RBPJ: variants seen among roughly 807,000 people sequenced by gnomAD.
The protein encoded by RBPJ is recombination signal binding protein for immunoglobulin kappa J region.
A neutral mutation model predicts 67.8 loss-of-function variants in RBPJ; 9 were observed. That is an observed-to-expected ratio of 0.13 (90% CI 0.08 to 0.23). The LOEUF (loss-of-function observed/expected upper bound fraction) is 0.23, where lower values mean the gene tolerates loss of function less well. Ranked by LOEUF, RBPJ falls within the 10% of genes least tolerant of loss-of-function variation. The pLI is 1.00. For synonymous variants in RBPJ, 198 were observed against 203.3 expected, an observed-to-expected ratio of 0.97 and a Z score of 0.22; for missense variants, 305 against 595.6, an observed-to-expected ratio of 0.51 and a Z score of 5.08.
intron 1 of RBPJ, among the ~76,000 whole-genome samples, chr4:26,191,465 T>C (rs1244090764): frequency 6.6e-6 from 1 of 151,870 alleles, no homozygotes; most frequent in Non-Finnish European, 1.5e-5. Flanking sequence ...CCACCCCAGG[T>C]TCAATGACTC....
intron 1 of RBPJ, among the ~76,000 whole-genome samples, chr4:26,386,007 G>A (rs1194697463): frequency 2.0e-5 from 3 of 151,994 alleles, no homozygotes; most frequent in African/African-American, 7.3e-5. Context: ...GGTATATAAC[G>A]AATGTATAGC....
At chr4:26,389,718 A>G (rs1009383170) in intron 2 of RBPJ, among the ~76,000 whole-genome samples, 2 of 152,030 alleles carry the variant, frequency 1.3e-5, no homozygotes, top group African/African-American at 4.8e-5. Context: ...AAATGCACAC[A>G]ATTTCTTGAA....
Position 26,424,045 on chromosome 4 carries a change from T to A in RBPJ, c.497-297T>A, listed in dbSNP as rs1735399476. On this transcript the variant is annotated intron_variant, in intron 5 of 10. Transcript: ENST00000355476. The surrounding 1 kb of genome is among the most constrained non-coding windows in gnomAD (Gnocchi z 5.3). ...GGTCATCATTTAAATTTCTACTGTCTAACATTATTTTAAAAGTAAGTTTTT... is the reference window on the plus strand; with the variant it reads ...GGTCATCATTTAAATTTCTACTGTCAAACATTATTTTAAAAGTAAGTTTTT... 6.6e-6 allele frequency among the ~76,000 whole-genome samples: 1 copy of A among 152,218 alleles called. No homozygotes were observed. The highest frequency in any genetic ancestry group is 2.4e-5 in the African/African-American group (1 of 41,456).
At chr4:26,409,981 C>A in intron 3 of RBPJ, 1 of 439,756 alleles carries the variant, frequency 2.3e-6, no homozygotes, top group Non-Finnish European at 4.5e-6. Context: ...CAAAGTAGAC[C>A]TGCATTACTT....
chr4:26,116,737 C>G, the RBPJ span, among the ~76,000 whole-genome samples: 1 of 152,242 alleles, frequency 6.6e-6, no homozygotes, highest in Non-Finnish European at 1.5e-5. Flanking sequence ...GTGGATGCCA[C>G]TGCCACCTGT....
the RBPJ span, among the ~76,000 whole-genome samples, chr4:26,108,991 G>A: frequency 6.6e-6 from 1 of 151,972 alleles, no homozygotes; most frequent in Non-Finnish European, 1.5e-5. Flanking sequence ...GTCCTTGTCT[G>A]GAAAGTGAGC....
At position 26,297,840 on chromosome 4, in the gene RBPJ, C is replaced by CA. The variant is rs377298282; in HGVS notation, c.-166-64597dup. On this transcript the variant is annotated intron_variant, in intron 1 of 4. Coordinates refer to the RBPJ transcript ENST00000512351. ...AAGAATATGAGAAAAAAACAAAAAA[C>CA]AAAAAAAAACCACCACCCAGAATTG... 8.7e-4 allele frequency among the ~76,000 whole-genome samples: 131 copies of CA among 149,798 alleles called. 1 individual carries two copies. The highest frequency in any genetic ancestry group is 1.8e-3 in the East Asian group (9 of 5,126).
rs573710667 is a variant in RBPJ at position 26,353,734 on chromosome 4, G to T, written c.21-32619G>T. On this transcript the variant is annotated intron_variant, in intron 1 of 10. Transcript: ENST00000355476. Reference sequence around the variant, plus strand: ...AGCAATTCTCCTGCCTCAGCCTCCCGAGTAGCTGGGATTACAGGCACCCAC... The same window carrying T: ...AGCAATTCTCCTGCCTCAGCCTCCCTAGTAGCTGGGATTACAGGCACCCAC... Among the ~76,000 whole-genome samples, 108 of 150,296 alleles carry T rather than the reference G, an allele frequency of 7.2e-4. 1 individual carries two copies. Among genetic ancestry groups the T allele is most frequent in the African/African-American group, 2.6e-3 (106 of 40,846 alleles).
the RBPJ span, among the ~76,000 whole-genome samples, chr4:26,146,693 T>C: frequency 6.6e-6 from 1 of 152,160 alleles, no homozygotes; most frequent in Non-Finnish European, 1.5e-5. Flanking sequence ...ATAATAAACA[T>C]TAACACATAA....
chr4:26,170,917 A>C (rs1024173625), intron 1 of RBPJ, among the ~76,000 whole-genome samples: 2 of 152,198 alleles, frequency 1.3e-5, no homozygotes, highest in African/African-American at 4.8e-5. Context: ...TCCTTTGCAC[A>C]ATTGCTTCAA....
chr4:26,416,485 C>T (rs535794758), intron 4 of RBPJ, among the ~76,000 whole-genome samples: 2 of 152,302 alleles, frequency 1.3e-5, no homozygotes, highest in South Asian at 2.1e-4. Flanking sequence ...CCACCTCAGC[C>T]TCCCAAAGTG....
chr4:26,337,880 A>G (rs2109382630), intron 1 of RBPJ, among the ~76,000 whole-genome samples: 1 of 150,994 alleles, frequency 6.6e-6, no homozygotes, highest in East Asian at 1.9e-4. Flanking sequence ...AGAGAGAGCA[A>G]CTCACCACGT....
chr4:26,320,606 C>T (rs144646427), upstream of RBPJ: 67 of 872,962 alleles, frequency 7.7e-5, 2 homozygotes, highest in African/African-American at 8.4e-4. Context: ...AAACGCAGCC[C>T]ATTTTCCCAG....
intron 1 of RBPJ, among the ~76,000 whole-genome samples, chr4:26,198,763 C>A (rs564392889): frequency 6.6e-6 from 1 of 152,116 alleles, no homozygotes; most frequent in Non-Finnish European, 1.5e-5. Flanking sequence ...ACCATAATAC[C>A]ATCTTGTCTT....
the RBPJ span, among the ~76,000 whole-genome samples, chr4:26,121,097 C>T: frequency 6.6e-6 from 1 of 151,548 alleles, no homozygotes; most frequent in South Asian, 2.1e-4. Flanking sequence ...AGCAATTTAG[C>T]AAAATGATTG....
At chr4:26,278,315 A>C (rs1420655697) in intron 1 of RBPJ, among the ~76,000 whole-genome samples, 1 of 152,230 alleles carries the variant, frequency 6.6e-6, no homozygotes, top group Non-Finnish European at 1.5e-5. Context: ...GGGATCCAGA[A>C]AAAATGTTAA....
chr4:26,421,294 A>G (rs1735112970), intron 5 of RBPJ, among the ~76,000 whole-genome samples: 1 of 151,444 alleles, frequency 6.6e-6, no homozygotes, highest in Admixed American at 6.6e-5. Flanking sequence ...TTAACTTTTT[A>G]TTATGGAGAC....
At chr4:26,199,523 G>A (rs1284491540) in intron 1 of RBPJ, among the ~76,000 whole-genome samples, 1 of 152,232 alleles carries the variant, frequency 6.6e-6, no homozygotes, top group Non-Finnish European at 1.5e-5. Flanking sequence ...ACGCCTCTGT[G>A]GGGCAATTCT....
the RBPJ span, among the ~76,000 whole-genome samples, chr4:26,123,179 G>C: frequency 3.9e-5 from 6 of 152,166 alleles, no homozygotes; most frequent in Admixed American, 1.3e-4. Flanking sequence ...AGGCTATATG[G>C]TGTGGCCTAT....
Sources: gnomAD v4.1 joint callset for allele counts (sites outside exome capture counted in the v4.1 genomes callset) on GRCh38, gnomAD v4.1.1 for gene constraint, Gnocchi (gnomAD v3.1) non-coding constraint, MANE v1.5 for transcripts, NCBI Gene and HGNC (gene_info 2026-07-23, HGNC 2026-07-21) for gene names.